SUGCT: variants seen among roughly 807,000 people sequenced by gnomAD.
SUGCT encodes succinyl-CoA:glutarate-CoA transferase, also known as succinyl-CoA:glutarate CoA-transferase.
A neutral mutation model predicts 55.0 loss-of-function variants in SUGCT; 41 were observed. That is an observed-to-expected ratio of 0.74 (90% CI 0.58 to 0.97). The LOEUF (loss-of-function observed/expected upper bound fraction) is 0.97. SUGCT is among the 50% of genes least tolerant of loss of function. SUGCT has a pLI of 0.00. For synonymous variants in SUGCT, 187 were observed against 200.4 expected, an observed-to-expected ratio of 0.93 and a Z score of 0.56; for missense variants, 568 against 547.8, an observed-to-expected ratio of 1.04 and a Z score of -0.37.
rs757005015 is a variant in SUGCT, at chr7:40,459,156, G to A, written c.944G>A (p.Arg315Gln). The A allele has an allele frequency of 8.1e-6, 13 of 1,611,210 alleles. No homozygotes were observed. The highest frequency in any genetic ancestry group is 6.6e-5 in the South Asian group (6 of 90,956). The change falls in exon 11 of 14, where the codon CGG becomes CAG. Residue 315 changes from arginine (R) to glutamine (Q), a missense_variant. Transcript: ENST00000335693. ...DNSKYKTNHL[R>Q]VHNRKELIKI... ...TCCAAGTATAAAACTAACCACCTTCGGGTACACAATAGAAAAGAGCTTATT... is the reference window on the plus strand; with the variant it reads ...TCCAAGTATAAAACTAACCACCTTCAGGTACACAATAGAAAAGAGCTTATT...
intron 3 of SUGCT, among the ~76,000 whole-genome samples, chr7:40,185,790 T>C (rs1320885680): frequency 6.6e-6 from 1 of 152,206 alleles, no homozygotes; most frequent in Non-Finnish European, 1.5e-5. Context: ...CCCAAAGTGC[T>C]GGGATTACAG....
chr7:40,583,938 A>C (rs916476686), intron 12 of SUGCT, among the ~76,000 whole-genome samples: 7 of 152,170 alleles, frequency 4.6e-5, no homozygotes, highest in African/African-American at 1.7e-4. Context: ...TGCTTCATGG[A>C]AAATATTGTG....
At chr7:40,716,033 A>T (rs1026356263) in intron 12 of SUGCT, among the ~76,000 whole-genome samples, 1 of 152,242 alleles carries the variant, frequency 6.6e-6, no homozygotes, top group Admixed American at 6.5e-5. Flanking sequence ...TGCTAAGCAC[A>T]GACAAGCCGC....
intron 11 of SUGCT, among the ~76,000 whole-genome samples, chr7:40,470,764 T>TCC (rs1234300757): frequency 6.6e-6 from 1 of 151,678 alleles, no homozygotes; most frequent in Non-Finnish European, 1.5e-5. Flanking sequence ...TCTCTCTCTC[T>TCC]CTCTCTCTCT....
chr7:40,503,477 A>G (rs1019665269), intron 12 of SUGCT, among the ~76,000 whole-genome samples: 1 of 152,168 alleles, frequency 6.6e-6, no homozygotes, highest in East Asian at 1.9e-4. Context: ...TAATGGGGCT[A>G]GCAAAAAATA....
chr7:40,997,555 C>T, the SUGCT span, among the ~76,000 whole-genome samples: 1 of 152,202 alleles, frequency 6.6e-6, no homozygotes, highest in Non-Finnish European at 1.5e-5. Context: ...CCTTTGGCCA[C>T]TCCCCAGGCA....
intron 9 of SUGCT, among the ~76,000 whole-genome samples, chr7:40,323,444 G>C (rs1221656272): frequency 6.6e-6 from 1 of 152,100 alleles, no homozygotes; most frequent in African/African-American, 2.4e-5. Flanking sequence ...CTGTTGTCCA[G>C]GCTGGAGTAG....
At chr7:40,557,794 GA>G (rs1409128441) in intron 12 of SUGCT, among the ~76,000 whole-genome samples, 4 of 148,720 alleles carry the variant, frequency 2.7e-5, no homozygotes, top group Non-Finnish European at 6.0e-5. Context: ...AAAGAAAAAA[GA>G]AAAAAGACAC....
intron 12 of SUGCT, among the ~76,000 whole-genome samples, chr7:40,599,708 A>G (rs1798196197): frequency 6.6e-6 from 1 of 152,190 alleles, no homozygotes; most frequent in South Asian, 2.1e-4. Context: ...AATAAACTGT[A>G]GTATTGCTTT....
At chr7:40,792,879 T>C (rs1272743511) in intron 13 of SUGCT, among the ~76,000 whole-genome samples, 1 of 152,128 alleles carries the variant, frequency 6.6e-6, no homozygotes, top group Non-Finnish European at 1.5e-5. Context: ...AATTTTTCCA[T>C]GTATCAGAAT....
intron 9 of SUGCT, among the ~76,000 whole-genome samples, chr7:40,441,164 A>G (rs371700920): frequency 2.6e-5 from 4 of 152,194 alleles, no homozygotes; most frequent in African/African-American, 9.7e-5. Context: ...ACATGAATCA[A>G]TGTACTTTAT....
chr7:40,964,652 G>A, the SUGCT span: 2 of 152,132 alleles, frequency 1.3e-5, no homozygotes, highest in Admixed American at 6.5e-5. Flanking sequence ...CAGCTAAATG[G>A]GCCCCAAGTA....
At chr7:40,522,613 T>C (rs115838936) in intron 12 of SUGCT, among the ~76,000 whole-genome samples, 1 of 152,054 alleles carries the variant, frequency 6.6e-6, no homozygotes, top group African/African-American at 2.4e-5. Context: ...GGAGAAAAAA[T>C]TTTGTAGGAA....
intron 1 of SUGCT, among the ~76,000 whole-genome samples, chr7:40,141,538 G>A (rs1787981825): frequency 6.6e-6 from 1 of 151,800 alleles, no homozygotes. Flanking sequence ...GGAGGCTGAG[G>A]CAGGAGAATT....
chr7:40,874,148 C>A, the SUGCT span, among the ~76,000 whole-genome samples: 1 of 152,214 alleles, frequency 6.6e-6, no homozygotes, highest in African/African-American at 2.4e-5. Flanking sequence ...TGGGAAGAAG[C>A]AGATTTCAGA....
At chr7:40,178,804 A>T (rs900547214) in intron 1 of SUGCT, among the ~76,000 whole-genome samples, 1 of 151,550 alleles carries the variant, frequency 6.6e-6, no homozygotes. Flanking sequence ...GTTCTAGGCA[A>T]TTTTTTCTGA....
chr7:40,332,472 T>G (rs1432714358), intron 9 of SUGCT, among the ~76,000 whole-genome samples: 2 of 148,860 alleles, frequency 1.3e-5, no homozygotes. Context: ...TTTTTTTACA[T>G]AGTTAAATTT....
chr7:40,423,029 A>G (rs1369332720), intron 9 of SUGCT, among the ~76,000 whole-genome samples: 2 of 152,112 alleles, frequency 1.3e-5, no homozygotes, highest in Non-Finnish European at 2.9e-5. Flanking sequence ...GGTTCTACAT[A>G]ATTTTATTAT....
chr7:40,601,520 G>T (rs2151753940), intron 12 of SUGCT, among the ~76,000 whole-genome samples: 1 of 152,240 alleles, frequency 6.6e-6, no homozygotes, highest in African/African-American at 2.4e-5. Context: ...AAGTACCCTG[G>T]CTTTATGCTG....
Sources: gnomAD v4.1 joint callset for allele counts (sites outside exome capture counted in the v4.1 genomes callset) on GRCh38, gnomAD v4.1.1 for gene constraint, MANE v1.5 for transcripts, NCBI Gene and HGNC (gene_info 2026-07-23, HGNC 2026-07-21) for gene names.